Variants in RAD52 observed in about 807,000 individuals in gnomAD.
The protein encoded by RAD52 is DNA repair protein RAD52 homolog.
In RAD52, 47 loss-of-function variants were observed where a neutral mutation model predicts 55.5. That is an observed-to-expected ratio of 0.85 (90% CI 0.67 to 1.08). The LOEUF (loss-of-function observed/expected upper bound fraction) is 1.08. Among genes scored for constraint, RAD52 ranks in the 50% least tolerant of loss-of-function variants. The pLI, the probability that RAD52 is intolerant of heterozygous loss-of-function variation, is 0.00. For synonymous variants in RAD52, 184 were observed against 198.9 expected (o/e 0.92, Z 0.63); for missense variants, 468 against 522.8 (o/e 0.90, Z 1.02).
At chr12:916,192 T>C (rs1349419405) in intron 9 of RAD52, 152 bp downstream of exon 9, 2 of 1,408,546 alleles carry the variant, frequency 1.4e-6, no homozygotes, top group East Asian at 2.6e-5. Flanking sequence ...CTGAATTTCC[T>C]GGGCTCATCT....
chr12:987,888 A>G (rs979906365), intron 1 of RAD52, among the ~76,000 whole-genome samples: 11 of 152,062 alleles, frequency 7.2e-5, no homozygotes, highest in African/African-American at 2.4e-4. Flanking sequence ...TTTTTGAAAT[A>G]AGGTCTCTTG....
At chr12:976,988 C>T (rs1485414532) in intron 1 of RAD52, 1 of 152,426 alleles carries the variant, frequency 6.6e-6, no homozygotes, top group Non-Finnish European at 1.5e-5. Context: ...GAGGCGATCC[C>T]AGGAAACATT....
intron 1 of RAD52, among the ~76,000 whole-genome samples, chr12:970,233 C>T (rs1275392565): frequency 2.7e-5 from 4 of 149,098 alleles, no homozygotes; most frequent in Admixed American, 6.8e-5. Context: ...GCAGGAGAAT[C>T]ACCTGAACCC....
intron 1 of RAD52, among the ~76,000 whole-genome samples, chr12:935,892 ATAAATAAC>A (rs1034831834): frequency 6.8e-6 from 1 of 148,054 alleles, no homozygotes; most frequent in African/African-American, 2.5e-5. Flanking sequence ...AAATAAATAA[ATAAATAAC>A]TAGAGACGGG....
At chr12:972,638 C>T (rs373672562) in intron 1 of RAD52, among the ~76,000 whole-genome samples, 152 of 152,002 alleles carry the variant, frequency 1.0e-3, no homozygotes, top group Middle Eastern at 3.4e-3. Context: ...TGGTGGCGGA[C>T]GCCTGTAGTC....
intron 7 of RAD52, among the ~76,000 whole-genome samples, chr12:921,625 C>T (rs943600632): frequency 4.6e-5 from 7 of 151,962 alleles, no homozygotes; most frequent in Admixed American, 2.6e-4. Flanking sequence ...GTCGAGGCTC[C>T]AGGGAGCCAA....
intron 7 of RAD52, among the ~76,000 whole-genome samples, chr12:922,108 A>G (rs527573985): frequency 6.9e-6 from 1 of 144,378 alleles, no homozygotes; most frequent in African/African-American, 2.6e-5. Context: ...CTGTCTCAAA[A>G]AAGAAAATAT....
chr12:944,621 A>C (rs1256843579), intron 1 of RAD52, among the ~76,000 whole-genome samples: 6 of 116,640 alleles, frequency 5.1e-5, no homozygotes, highest in South Asian at 2.6e-4. Context: ...AAAAAAAAAA[A>C]AAAAAAACTC....
At chr12:917,845 AG>A (rs11571458) in intron 7 of RAD52, among the ~76,000 whole-genome samples, 149,705 of 151,248 alleles carry the variant, frequency 0.99, 74,111 homozygotes, top group East Asian at 1. Flanking sequence ...AGGCTGAGGC[AG>A]GGAGAATCAC....
intron 7 of RAD52, 38 bp from the exon 8 acceptor site, chr12:916,858 C>A (rs2154108994): frequency 6.3e-7 from 1 of 1,578,618 alleles, no homozygotes. Flanking sequence ...CTTCAACTGG[C>A]TCTTGCCCTC....
At chr12:981,771 T>TAAAATA (rs148282544) in intron 1 of RAD52, among the ~76,000 whole-genome samples, 16 of 139,618 alleles carry the variant, frequency 1.1e-4, no homozygotes, top group African/African-American at 4.0e-4. Context: ...AATAAATAAA[T>TAAAATA]AAATAAAATA....
chr12:921,622 CTCCAGG>C (rs1345727296), intron 7 of RAD52, among the ~76,000 whole-genome samples: 2 of 152,050 alleles, frequency 1.3e-5, no homozygotes, highest in Non-Finnish European at 2.9e-5. Context: ...GATGTCGAGG[CTCCAGG>C]GAGCCAAGCC....
At chr12:951,582 G>T (rs886563208), upstream of RAD52, among the ~76,000 whole-genome samples, 1 of 152,084 alleles carries the variant, frequency 6.6e-6, no homozygotes, top group Non-Finnish European at 1.5e-5. Context: ...TTGGTAATTT[G>T]TGTCCTCTCC....
chr12:970,127 C>G (rs59210414), intron 1 of RAD52, among the ~76,000 whole-genome samples: 2,085 of 151,630 alleles, frequency 0.014, 63 homozygotes, highest in African/African-American at 0.048. Context: ...GTCCAACATG[C>G]GAAACCCTGT....
chr12:957,382 A>G (rs10774475), intron 1 of RAD52, among the ~76,000 whole-genome samples: 148,864 of 150,322 alleles, frequency 0.99, 73,730 homozygotes, highest in East Asian at 1. Context: ...AGAATCGCTT[A>G]AGCCCGGGAG....
intron 1 of RAD52, among the ~76,000 whole-genome samples, chr12:978,903 T>C (rs191724890): frequency 2.5e-3 from 382 of 150,406 alleles, no homozygotes; most frequent in African/African-American, 8.3e-3. Flanking sequence ...GATAGATAGA[T>C]AGATAGATAG....
chr12:945,635 C>T (rs1489963308), intron 1 of RAD52, among the ~76,000 whole-genome samples: 1 of 151,290 alleles, frequency 6.6e-6, no homozygotes, highest in Non-Finnish European at 1.5e-5. Context: ...GGGGTTTCAC[C>T]ATGTTGGCCA....
chr12:946,807 T>C (rs1958252752), intron 1 of RAD52, among the ~76,000 whole-genome samples: 1 of 152,158 alleles, frequency 6.6e-6, no homozygotes, highest in South Asian at 2.1e-4. Context: ...GACTCAAAAT[T>C]TTTCACAACT....
intron 1 of RAD52, among the ~76,000 whole-genome samples, chr12:972,454 A>G (rs1309336740): frequency 3.3e-5 from 5 of 151,910 alleles, no homozygotes; most frequent in East Asian, 1.9e-4. Context: ...AACCTGGCAG[A>G]AAACTGTGCC....
Sources: allele counts gnomAD v4.1 joint callset (sites outside exome capture counted in the v4.1 genomes callset), GRCh38; gene constraint gnomAD v4.1.1; transcripts MANE v1.5; gene names NCBI Gene and HGNC (gene_info 2026-07-23, HGNC 2026-07-21).